Variants in SGCD observed in about 807,000 individuals in gnomAD.
The protein encoded by SGCD is delta-sarcoglycan.
SGCD carries 18 observed loss-of-function variants against 36.6 expected under a neutral mutation model. The ratio of observed to expected loss-of-function variants is 0.49; its 90% CI spans 0.34 to 0.73. The LOEUF is 0.73. Ranked by LOEUF, SGCD falls within the 30% of genes least tolerant of loss-of-function variation. The pLI is 0.01. For synonymous variants in SGCD, 133 were observed against 130.6 expected (o/e 1.02, Z -0.12); for missense variants, 387 against 346.7 (o/e 1.12, Z -0.92).
chr5:156,687,389 A>C (rs1194844592), intron 7 of SGCD, among the ~76,000 whole-genome samples: 1 of 152,094 alleles, frequency 6.6e-6, no homozygotes, highest in Non-Finnish European at 1.5e-5. Flanking sequence ...ATTCCATGTT[A>C]TTTTCTTTTC....
intron 4 of SGCD, among the ~76,000 whole-genome samples, chr5:156,519,209 A>G (rs1203796582): frequency 6.6e-6 from 1 of 152,166 alleles, no homozygotes; most frequent in African/African-American, 2.4e-5. Context: ...AAACACCTCT[A>G]TGCATATAAA....
At chr5:156,754,666 A>G (rs1757272220) in intron 7 of SGCD, among the ~76,000 whole-genome samples, 1 of 152,208 alleles carries the variant, frequency 6.6e-6, no homozygotes, top group South Asian at 2.1e-4. Context: ...CCATTTTACT[A>G]GGAGTATAAC....
chr5:156,098,282 T>C (rs1315308508), intron 1 of SGCD, among the ~76,000 whole-genome samples: 5 of 152,214 alleles, frequency 3.3e-5, no homozygotes, highest in African/African-American at 4.8e-5. Context: ...TCTGTCCAAA[T>C]GTCTTTCTTC....
intron 3 of SGCD, among the ~76,000 whole-genome samples, chr5:156,148,907 C>T (rs188554655): frequency 9.9e-5 from 15 of 152,200 alleles, no homozygotes; most frequent in African/African-American, 3.4e-4. Context: ...AAGGTATATC[C>T]GCAAGAGTGC....
intron 1 of SGCD, among the ~76,000 whole-genome samples, chr5:155,892,147 G>T (rs1234719214): frequency 6.6e-6 from 1 of 152,060 alleles, no homozygotes; most frequent in African/African-American, 2.4e-5. Context: ...AAGCTTATAA[G>T]GATCAAGCAG....
chr5:155,795,811 C>T, the SGCD span, among the ~76,000 whole-genome samples: 1 of 152,144 alleles, frequency 6.6e-6, no homozygotes, highest in Non-Finnish European at 1.5e-5. Context: ...AAGTTGTCCT[C>T]TACACTGTAA....
chr5:156,752,855 C>A (rs1017666598), intron 7 of SGCD, among the ~76,000 whole-genome samples: 1 of 152,118 alleles, frequency 6.6e-6, no homozygotes, highest in African/African-American at 2.4e-5. Flanking sequence ...AGCAGCTGTC[C>A]CCGTAGACAG....
At chr5:156,570,885 T>A (rs575361819) in intron 4 of SGCD, among the ~76,000 whole-genome samples, 1 of 152,306 alleles carries the variant, frequency 6.6e-6, no homozygotes, top group Non-Finnish European at 1.5e-5. Flanking sequence ...TTTTGCCATA[T>A]CTTTATTTCT....
chr5:156,612,897 C>T (rs1259775172), intron 6 of SGCD, among the ~76,000 whole-genome samples: 1 of 152,188 alleles, frequency 6.6e-6, no homozygotes, highest in Non-Finnish European at 1.5e-5. Flanking sequence ...CCCCAAATTG[C>T]ATTCGGGGCC....
At chr5:155,800,284 A>G in the SGCD span, among the ~76,000 whole-genome samples, 16 of 152,066 alleles carry the variant, frequency 1.1e-4, no homozygotes, top group African/African-American at 3.1e-4. Flanking sequence ...CATCTTCCAT[A>G]TTCTCCTAAA....
chr5:156,358,473 G>A (rs1374465498), intron 3 of SGCD, among the ~76,000 whole-genome samples: 2 of 152,164 alleles, frequency 1.3e-5, no homozygotes, highest in Non-Finnish European at 2.9e-5. Context: ...CTATAATTAT[G>A]ATATATTGAC....
chr5:156,090,513 C>CA (rs1170004124), intron 1 of SGCD, among the ~76,000 whole-genome samples: 6 of 152,078 alleles, frequency 3.9e-5, no homozygotes, highest in Non-Finnish European at 7.4e-5. Flanking sequence ...GATCACAAGG[C>CA]AAAGGGCAGA....
chr5:155,817,399 C>T, the SGCD span, among the ~76,000 whole-genome samples: 3 of 150,684 alleles, frequency 2.0e-5, no homozygotes, highest in Admixed American at 6.7e-5. Flanking sequence ...ATCTAGGAGC[C>T]GCTTTTCTCG....
At chr5:156,698,879 AC>A (rs1160503845) in intron 7 of SGCD, among the ~76,000 whole-genome samples, 1 of 150,890 alleles carries the variant, frequency 6.6e-6, no homozygotes, top group African/African-American at 2.5e-5. Flanking sequence ...ACACACACAC[AC>A]AGCATTTAGT....
intron 1 of SGCD, among the ~76,000 whole-genome samples, chr5:156,115,263 T>C (rs1761881622): frequency 1.3e-5 from 2 of 152,094 alleles, no homozygotes; most frequent in South Asian, 4.1e-4. Context: ...ACTATTAGGA[T>C]CATTTTGGTA....
intron 3 of SGCD, among the ~76,000 whole-genome samples, chr5:156,372,398 A>G (rs1344884581): frequency 6.6e-6 from 1 of 152,166 alleles, no homozygotes; most frequent in African/African-American, 2.4e-5. Context: ...TAGCTTTACT[A>G]TTCTCACCTG....
the SGCD span, among the ~76,000 whole-genome samples, chr5:155,854,684 T>C: frequency 3.9e-5 from 6 of 152,154 alleles, no homozygotes; most frequent in African/African-American, 1.2e-4. Context: ...AATAAAACTC[T>C]TGTAGTGTGG....
At chr5:156,674,738 C>T (rs1753441611) in intron 7 of SGCD, among the ~76,000 whole-genome samples, 1 of 152,186 alleles carries the variant, frequency 6.6e-6, no homozygotes, top group Non-Finnish European at 1.5e-5. Flanking sequence ...AAATTCCTTG[C>T]AAAACACTAT....
the SGCD span, among the ~76,000 whole-genome samples, chr5:155,791,537 A>T: frequency 1.4e-4 from 22 of 152,210 alleles, no homozygotes; most frequent in Non-Finnish European, 3.1e-4. Context: ...AGTCTCCTGG[A>T]ACTGATACAT....
Sources: gnomAD v4.1 joint callset for allele counts (sites outside exome capture counted in the v4.1 genomes callset) on GRCh38, gnomAD v4.1.1 for gene constraint, MANE v1.5 for transcripts, NCBI Gene and HGNC (gene_info 2026-07-23, HGNC 2026-07-21) for gene names.